MBD5: variants seen among roughly 807,000 people sequenced by gnomAD.
MBD5 encodes the protein methyl-CpG-binding domain protein 5.
MBD5 carries 13 observed loss-of-function variants against 117.3 expected under a neutral mutation model. The observed-to-expected ratio is 0.11, with a 90% confidence interval of 0.07 to 0.18. MBD5 has a LOEUF of 0.18. Among genes scored for constraint, MBD5 ranks in the 10% least tolerant of loss-of-function variants. The probability of loss-of-function intolerance (pLI) is 1.00; values close to 1 mark genes in which losing one functional copy is unlikely to be tolerated. For missense variants in MBD5, 1,879 were observed against 2,093.8 expected, an observed-to-expected ratio of 0.90 and a Z score of 2.00; for synonymous variants, 727 against 766.4, an observed-to-expected ratio of 0.95 and a Z score of 0.85.
intron 1 of MBD5, among the ~76,000 whole-genome samples, chr2:148,082,285 T>C (rs1164588952): frequency 6.6e-6 from 1 of 152,182 alleles, no homozygotes; most frequent in Non-Finnish European, 1.5e-5. Flanking sequence ...TTTTCATTTA[T>C]TCAGTGTCTT....
intron 3 of MBD5, among the ~76,000 whole-genome samples, chr2:148,253,582 G>A (rs923329606): frequency 6.6e-6 from 1 of 152,160 alleles, no homozygotes; most frequent in African/African-American, 2.4e-5. Flanking sequence ...GCATATAAAA[G>A]TTATCTTTAT....
At chr2:148,203,883 C>A (rs1699208025) in intron 2 of MBD5, among the ~76,000 whole-genome samples, 1 of 152,136 alleles carries the variant, frequency 6.6e-6, no homozygotes, top group Non-Finnish European at 1.5e-5. Context: ...ATCTACACTG[C>A]AGAGCCCTTT....
At chr2:148,340,837 T>TACACACACACAC (rs141965837) in intron 3 of MBD5, among the ~76,000 whole-genome samples, 8 of 142,560 alleles carry the variant, frequency 5.6e-5, no homozygotes, top group African/African-American at 1.6e-4. Flanking sequence ...AAACCACACA[T>TACACACACACAC]ACACACACAC....
chr2:148,456,956 C>T (rs962015024), intron 4 of MBD5, among the ~76,000 whole-genome samples: 4 of 152,074 alleles, frequency 2.6e-5, no homozygotes, highest in African/African-American at 4.8e-5. Flanking sequence ...AAAAAGGTTT[C>T]GGGCCAACTT....
At chr2:148,050,515 G>A (rs1694666420) in intron 1 of MBD5, among the ~76,000 whole-genome samples, 1 of 151,870 alleles carries the variant, frequency 6.6e-6, no homozygotes, top group South Asian at 2.1e-4. Context: ...TCTGTGTGCT[G>A]TCTTTTCACT....
At chr2:148,377,665 C>G (rs1449448304) in intron 4 of MBD5, among the ~76,000 whole-genome samples, 1 of 152,186 alleles carries the variant, frequency 6.6e-6, no homozygotes, top group African/African-American at 2.4e-5. Flanking sequence ...TTATATAAAT[C>G]TAAAGAGGAG....
At chr2:148,233,921 A>G (rs1311754324) in intron 3 of MBD5, among the ~76,000 whole-genome samples, 2 of 152,170 alleles carry the variant, frequency 1.3e-5, no homozygotes, top group Non-Finnish European at 2.9e-5. Flanking sequence ...ACATTTTGTG[A>G]AAATTCTGCA....
At chr2:148,029,345 T>G (rs1269951950) in intron 1 of MBD5, among the ~76,000 whole-genome samples, 2 of 152,174 alleles carry the variant, frequency 1.3e-5, no homozygotes, top group Non-Finnish European at 2.9e-5. Context: ...GTTTTGAAAT[T>G]AATGAATTCT....
At chr2:148,378,445 T>G (rs1188697431) in intron 4 of MBD5, among the ~76,000 whole-genome samples, 1 of 152,114 alleles carries the variant, frequency 6.6e-6, no homozygotes, top group East Asian at 1.9e-4. Context: ...CCTAATAAGT[T>G]ATAGCTCTGC....
At chr2:148,204,238 G>A (rs1699218724) in intron 2 of MBD5, among the ~76,000 whole-genome samples, 1 of 152,072 alleles carries the variant, frequency 6.6e-6, no homozygotes, top group Non-Finnish European at 1.5e-5. Flanking sequence ...TATGAAATTG[G>A]AAGGAGCACA....
chr2:148,372,035 G>C (rs1345474463), intron 4 of MBD5, among the ~76,000 whole-genome samples: 2 of 152,012 alleles, frequency 1.3e-5, no homozygotes, highest in Non-Finnish European at 2.9e-5. Flanking sequence ...AAGCAAACTG[G>C]ACCATGATAA....
At chr2:148,094,113 C>T (rs1696006268) in intron 1 of MBD5, among the ~76,000 whole-genome samples, 1 of 152,030 alleles carries the variant, frequency 6.6e-6, no homozygotes, top group South Asian at 2.1e-4. Context: ...TTTTAACTGC[C>T]CTAAATTTCT....
intron 3 of MBD5, among the ~76,000 whole-genome samples, chr2:148,297,877 C>G (rs1415698769): frequency 6.6e-6 from 1 of 152,150 alleles, no homozygotes; most frequent in East Asian, 1.9e-4. Flanking sequence ...ACTCTATTCT[C>G]AATAAAGTCA....
At chr2:148,211,480 T>A (rs1414922523) in intron 2 of MBD5, among the ~76,000 whole-genome samples, 1 of 152,188 alleles carries the variant, frequency 6.6e-6, no homozygotes, top group Non-Finnish European at 1.5e-5. Context: ...TTTTGTTATA[T>A]TTTTTGGAAT....
chr2:148,439,501 G>A (rs16828606), intron 4 of MBD5, among the ~76,000 whole-genome samples: 1 of 151,838 alleles, frequency 6.6e-6, no homozygotes, highest in Non-Finnish European at 1.5e-5. Flanking sequence ...AATGATTATA[G>A]TCCCTCAGTT....
intron 1 of MBD5, among the ~76,000 whole-genome samples, chr2:148,108,512 T>C (rs1041214913): frequency 1.3e-5 from 2 of 151,758 alleles, no homozygotes; most frequent in African/African-American, 4.8e-5. Flanking sequence ...GGCTATTGGG[T>C]TGTCCCACCT....
chr2:148,254,889 C>T (rs1157540271), intron 3 of MBD5, among the ~76,000 whole-genome samples: 1 of 152,194 alleles, frequency 6.6e-6, no homozygotes, highest in Non-Finnish European at 1.5e-5. Flanking sequence ...TATGGGCCAG[C>T]CAGGGGGCAG....
intron 2 of MBD5, among the ~76,000 whole-genome samples, chr2:148,225,682 G>A (rs566082841): frequency 4.2e-4 from 64 of 152,258 alleles, no homozygotes; most frequent in African/African-American, 1.5e-3. Flanking sequence ...GTCTGGGAAA[G>A]CCTTTATTTC....
chr2:148,188,625 G>A (rs1185423694), intron 2 of MBD5, among the ~76,000 whole-genome samples: 2 of 148,914 alleles, frequency 1.3e-5, no homozygotes, highest in Non-Finnish European at 3.0e-5. Context: ...TGAGGCTGCA[G>A]TGAGCCATGA....
Sources: allele counts gnomAD v4.1 joint callset (sites outside exome capture counted in the v4.1 genomes callset), GRCh38; gene constraint gnomAD v4.1.1; transcripts MANE v1.5; gene names NCBI Gene and HGNC (gene_info 2026-07-23, HGNC 2026-07-21).